KCNQ5: variants seen among roughly 807,000 people sequenced by gnomAD.
The protein encoded by KCNQ5 is potassium voltage-gated channel subfamily KQT member 5.
In KCNQ5, 30 loss-of-function variants were observed where a neutral mutation model predicts 98.2. The observed-to-expected ratio is 0.31, with a 90% CI of 0.23 to 0.41. The LOEUF is 0.41. KCNQ5 is among the 10% of genes least tolerant of loss of function. KCNQ5 has a pLI of 1.00. For missense variants in KCNQ5, 835 were observed against 1,182.5 expected, an observed-to-expected ratio of 0.71 and a Z score of 4.31; for synonymous variants, 458 against 449.4, an observed-to-expected ratio of 1.02 and a Z score of -0.24.
chr6:72,704,959 C>T (rs1768998128), intron 1 of KCNQ5, among the ~76,000 whole-genome samples: 1 of 152,178 alleles, frequency 6.6e-6, no homozygotes, highest in African/African-American at 2.4e-5. Flanking sequence ...GCTTAGCCCA[C>T]CTTTCAAATT....
intron 1 of KCNQ5, among the ~76,000 whole-genome samples, chr6:72,638,975 C>T (rs1304150378): frequency 6.6e-6 from 1 of 152,138 alleles, no homozygotes; most frequent in Non-Finnish European, 1.5e-5. Flanking sequence ...TCAAAATGTT[C>T]TTGGTTCCAA....
rs1940926167 is a variant in KCNQ5, at chr6:73,105,319, T to C, written c.981T>C (p.Leu327=). Reference sequence around the variant, plus strand: ...CCCTAACTTGGCTGGGAAGATTGCTTTCTGCAGGCTTTGCACTCCTTGGCA... The same window carrying C: ...CCCTAACTTGGCTGGGAAGATTGCTCTCTGCAGGCTTTGCACTCCTTGGCA... ...KTPLTWLGRL[L]SAGFALLGIS... is the part of the protein sequence containing the mutation. Residue 327 remains leucine (L), a synonymous_variant, in exon 6 of 14, where the codon CTT becomes CTC. Transcript: ENST00000370398. 1 of 1,613,274 alleles carries C rather than the reference T, an allele frequency of 6.2e-7. No homozygotes were observed. Among genetic ancestry groups the C allele is most frequent in the Non-Finnish European group, 8.5e-7 (1 of 1,179,534 alleles).
At chr6:72,690,842 C>T (rs1582120951) in intron 1 of KCNQ5, among the ~76,000 whole-genome samples, 1 of 151,606 alleles carries the variant, frequency 6.6e-6, no homozygotes, top group East Asian at 1.9e-4. Context: ...AGTATAATTT[C>T]ATTTAGAATA....
At chr6:73,018,870 C>T (rs1410465634) in intron 2 of KCNQ5, among the ~76,000 whole-genome samples, 2 of 152,150 alleles carry the variant, frequency 1.3e-5, no homozygotes, top group Admixed American at 1.3e-4. Context: ...ACACATTGGC[C>T]TATCTGAATG....
intron 1 of KCNQ5, among the ~76,000 whole-genome samples, chr6:72,856,056 T>A (rs1777519835): frequency 6.6e-6 from 1 of 152,198 alleles, no homozygotes; most frequent in Non-Finnish European, 1.5e-5. Flanking sequence ...TTTTAAAATA[T>A]CTTTATTAGG....
chr6:73,125,430 C>A, intron 9 of KCNQ5: 1 of 518,374 alleles, frequency 1.9e-6, no homozygotes. Flanking sequence ...AGGAGAATCC[C>A]AGGTGCCTGG....
At chr6:73,011,800 G>A (rs181754048) in intron 2 of KCNQ5, among the ~76,000 whole-genome samples, 9 of 151,848 alleles carry the variant, frequency 5.9e-5, no homozygotes, top group Non-Finnish European at 8.8e-5. Context: ...CAAAAAATGA[G>A]CAAAGGACTT....
intron 1 of KCNQ5, among the ~76,000 whole-genome samples, chr6:72,767,295 A>T: frequency 6.6e-6 from 1 of 152,066 alleles, no homozygotes; most frequent in Non-Finnish European, 1.5e-5. Flanking sequence ...ATGAAAAAGA[A>T]TGAAATTGGA....
At chr6:72,707,072 A>G (rs1420377040) in intron 1 of KCNQ5, among the ~76,000 whole-genome samples, 1 of 152,218 alleles carries the variant, frequency 6.6e-6, no homozygotes, top group Non-Finnish European at 1.5e-5. Flanking sequence ...GTGTATACCC[A>G]TTTAGGCATG....
chr6:72,854,288 G>A lies in KCNQ5; in HGVS notation c.399-149620G>A, dbSNP rs1015684488. Among the ~76,000 whole-genome samples, 3 of 152,098 alleles carry A rather than the reference G, an allele frequency of 2.0e-5. No homozygotes were observed. The East Asian group carries it at 5.8e-4, about 29-fold the overall frequency. On this transcript the variant is annotated intron_variant, in intron 1 of 13. Coordinates refer to ENST00000370398, the MANE Select transcript of KCNQ5 (RefSeq NM_019842.4). Reference sequence around the variant, plus strand: ...TAAATAAATTTTTTTTTAAAATTTGGTTGTATTGAACTTTCAAATTAGCCA... The same window carrying A: ...TAAATAAATTTTTTTTTAAAATTTGATTGTATTGAACTTTCAAATTAGCCA...
rs62412521 is a variant in KCNQ5, at chr6:73,075,098, C to T, written c.617-2224C>T. Among the ~76,000 whole-genome samples the T allele has an allele frequency of 7.1e-3, 1,074 of 152,134 alleles. 10 individuals carry two copies. The highest frequency in any genetic ancestry group is 0.014 in the Admixed American group (214 of 15,278). ...GTTTTTTTAATTGCAAAGACATAGTCGTTGTTATAAACTTCCAACATACAG... is the reference window on the plus strand; with the variant it reads ...GTTTTTTTAATTGCAAAGACATAGTTGTTGTTATAAACTTCCAACATACAG... On this transcript the variant is annotated intron_variant, in intron 3 of 13. Coordinates refer to ENST00000370398, the MANE Select transcript of KCNQ5 (RefSeq NM_019842.4).
rs369487318 is a variant in KCNQ5, at chr6:72,622,625, G to C, written c.398+38G>C. On this transcript the variant is annotated intron_variant, in intron 1 of 13. Coordinates refer to ENST00000370398, the MANE Select transcript of KCNQ5 (RefSeq NM_019842.4). This position sits in a 1 kb window ranked among gnomAD's most constrained non-coding sequence, Gnocchi z 6.0. ...GCCCCCTGCTATGCCCGCTGCAGGG[G>C]ACCACTGTCCCTGGCCCCCTGGGGC... 5 of 1,607,738 alleles carry C rather than the reference G, an allele frequency of 3.1e-6. No individual in the cohort carries two copies. The highest frequency in any genetic ancestry group is 3.4e-5 in the Admixed American group (2 of 59,492).
chr6:73,191,355 G>T (rs1308022381), intron 12 of KCNQ5, among the ~76,000 whole-genome samples: 3 of 152,018 alleles, frequency 2.0e-5, no homozygotes, highest in Non-Finnish European at 4.4e-5. Flanking sequence ...GTCCTGTACG[G>T]TTCTACAAAT....
At chr6:72,778,485 G>A (rs1269785655) in intron 1 of KCNQ5, among the ~76,000 whole-genome samples, 4 of 151,290 alleles carry the variant, frequency 2.6e-5, no homozygotes, top group African/African-American at 9.7e-5. Context: ...ACTGCAATGA[G>A]CAGAGATCAC....
At chr6:73,120,883 G>A (rs1332484923) in intron 8 of KCNQ5, among the ~76,000 whole-genome samples, 1 of 152,068 alleles carries the variant, frequency 6.6e-6, no homozygotes, top group Admixed American at 6.6e-5. Context: ...CATCCTAAAG[G>A]TAAGCACCAC....
intron 1 of KCNQ5, among the ~76,000 whole-genome samples, chr6:72,730,309 GA>G (rs1295577123): frequency 2.0e-5 from 3 of 151,710 alleles, no homozygotes; most frequent in African/African-American, 7.3e-5. Context: ...CAACTATTTA[GA>G]TTTTTTTTTG....
At chr6:72,894,536 T>A (rs1487009433) in intron 1 of KCNQ5, among the ~76,000 whole-genome samples, 1 of 152,212 alleles carries the variant, frequency 6.6e-6, no homozygotes, top group Non-Finnish European at 1.5e-5. Context: ...ACAAATTTCT[T>A]TGTAGATCAA....
chr6:72,756,411 T>C (rs1159933225), intron 1 of KCNQ5, among the ~76,000 whole-genome samples: 2 of 152,190 alleles, frequency 1.3e-5, no homozygotes, highest in African/African-American at 4.8e-5. Context: ...GGATTTGAAA[T>C]GGCTCAAAGC....
intron 1 of KCNQ5, among the ~76,000 whole-genome samples, chr6:72,847,702 T>C (rs893895343): frequency 1.3e-5 from 2 of 152,206 alleles, no homozygotes; most frequent in African/African-American, 4.8e-5. Flanking sequence ...AAGTACTAGC[T>C]AATGGCAGCT....
Sources: gnomAD v4.1 joint callset for allele counts (sites outside exome capture counted in the v4.1 genomes callset) on GRCh38, gnomAD v4.1.1 for gene constraint, Gnocchi (gnomAD v3.1) non-coding constraint, MANE v1.5 for transcripts, NCBI Gene and HGNC (gene_info 2026-07-23, HGNC 2026-07-21) for gene names.